The following GRM1 variants were observed in gnomAD, a reference collection of about 807,000 sequenced individuals.
GRM1 encodes metabotropic glutamate receptor 1.
In GRM1, 33 loss-of-function variants were observed where a neutral mutation model predicts 90.9. The ratio of observed to expected loss-of-function variants is 0.36; its 90% CI spans 0.28 to 0.49. The LOEUF (loss-of-function observed/expected upper bound fraction) is 0.49, where lower values mean the gene tolerates loss of function less well. Ranked by LOEUF, GRM1 falls within the 20% of genes least tolerant of loss-of-function variation. The pLI, the probability that GRM1 is intolerant of heterozygous loss-of-function variation, is 0.99. For missense variants in GRM1, 1,190 were observed against 1,534.3 expected, an observed-to-expected ratio of 0.78 and a Z score of 3.75; for synonymous variants, 700 against 613.2, an observed-to-expected ratio of 1.14 and a Z score of -2.09.
chr6:146,199,146 T>C (rs1779217141), intron 2 of GRM1, among the ~76,000 whole-genome samples: 1 of 152,186 alleles, frequency 6.6e-6, no homozygotes, highest in Non-Finnish European at 1.5e-5. Context: ...CTCTCACTAG[T>C]GTATTCCTGA....
intron 1 of GRM1, among the ~76,000 whole-genome samples, chr6:146,110,715 G>A (rs1292695053): frequency 6.6e-6 from 1 of 152,048 alleles, no homozygotes; most frequent in Non-Finnish European, 1.5e-5. Flanking sequence ...TGTTATTTAA[G>A]GCATTTATTT....
chr6:146,252,241 A>C (rs1781314044), intron 2 of GRM1, among the ~76,000 whole-genome samples: 1 of 152,206 alleles, frequency 6.6e-6, no homozygotes, highest in Non-Finnish European at 1.5e-5. Context: ...TTATACATGC[A>C]AAAAACAGAG....
chr6:146,093,273 T>C (rs186004864), intron 1 of GRM1, among the ~76,000 whole-genome samples: 1 of 152,268 alleles, frequency 6.6e-6, no homozygotes, highest in African/African-American at 2.4e-5. Context: ...TCCACGTCTT[T>C]GGAAGATTTC....
intron 7 of GRM1, among the ~76,000 whole-genome samples, chr6:146,409,594 T>C (rs1777486017): frequency 6.6e-6 from 1 of 152,216 alleles, no homozygotes; most frequent in Non-Finnish European, 1.5e-5. Flanking sequence ...CTTTGTCTTA[T>C]AAAGAAAATA....
chr6:146,323,802 C>G (rs1342637551), intron 3 of GRM1, among the ~76,000 whole-genome samples: 1 of 152,172 alleles, frequency 6.6e-6, no homozygotes, highest in African/African-American at 2.4e-5. Context: ...TTTCAGCTTT[C>G]TACATATGGC....
At chr6:146,320,872 A>G (rs1392408151) in intron 3 of GRM1, among the ~76,000 whole-genome samples, 1 of 151,736 alleles carries the variant, frequency 6.6e-6, no homozygotes, top group African/African-American at 2.4e-5. Flanking sequence ...CTTCTTTATT[A>G]GTCTGGCTAG....
At chr6:146,096,440 G>A (rs1293133099) in intron 1 of GRM1, among the ~76,000 whole-genome samples, 2 of 152,054 alleles carry the variant, frequency 1.3e-5, no homozygotes, top group Non-Finnish European at 2.9e-5. Flanking sequence ...AGGAAAGGAG[G>A]GTGCATTCCC....
In GRM1 at chr6:146,423,542, T is replaced by C. The variant is rs549128350; in HGVS notation, c.2661-10330T>C. On this transcript the variant is annotated intron_variant, in intron 7 of 7. Coordinates refer to ENST00000282753, the MANE Select transcript of GRM1 (RefSeq NM_001278064.2). ...GGATTACTGAGTTACTGTGTGAAGCTTGGCTGTCAATATGCCGGAAGGCCT... is the reference window on the plus strand; with the variant it reads ...GGATTACTGAGTTACTGTGTGAAGCCTGGCTGTCAATATGCCGGAAGGCCT... Among the ~76,000 whole-genome samples the C allele has an allele frequency of 2.0e-5, 3 of 152,222 alleles. No individual in the cohort carries two copies. In the East Asian group the frequency reaches 5.8e-4, roughly 29 times the overall value.
intron 1 of GRM1, among the ~76,000 whole-genome samples, chr6:146,077,766 T>C (rs1385311060): frequency 6.6e-6 from 1 of 152,212 alleles, no homozygotes; most frequent in African/African-American, 2.4e-5. Context: ...TCCACAAGTA[T>C]TTGCTAAATG....
In GRM1 at chr6:146,243,123, G is replaced by A. The variant is rs6927221; in HGVS notation, c.951-61488G>A. On this transcript the variant is annotated intron_variant, in intron 2 of 7. Coordinates refer to ENST00000282753, the MANE Select transcript of GRM1 (RefSeq NM_001278064.2). ...ACCTTGGCTAAAAGACATATTGAATGCAAGCCATGAATTTATATTAGTGAA... is the reference window on the plus strand; with the variant it reads ...ACCTTGGCTAAAAGACATATTGAATACAAGCCATGAATTTATATTAGTGAA... Among the ~76,000 whole-genome samples the A allele has an allele frequency of 7.7e-3, 1,178 of 152,168 alleles. 16 individuals are homozygous for A. The highest frequency in any genetic ancestry group is 0.027 in the African/African-American group (1,129 of 41,536).
chr6:146,344,174 A>G (rs75472926), intron 3 of GRM1, among the ~76,000 whole-genome samples: 3,518 of 152,316 alleles, frequency 0.023, 46 homozygotes, highest in South Asian at 0.053. Context: ...CAACAATGAT[A>G]AAATGCTGAC....
intron 2 of GRM1, among the ~76,000 whole-genome samples, chr6:146,213,953 T>G (rs914593893): frequency 6.6e-6 from 1 of 151,888 alleles, no homozygotes; most frequent in Non-Finnish European, 1.5e-5. Context: ...AGTCCTGGAG[T>G]CCAAAAGCTG....
At chr6:146,164,188 A>G (rs1777832306) in intron 2 of GRM1, among the ~76,000 whole-genome samples, 1 of 152,162 alleles carries the variant, frequency 6.6e-6, no homozygotes, top group African/African-American at 2.4e-5. Flanking sequence ...CTATTAATAT[A>G]TGTTGTCTCT....
intron 3 of GRM1, among the ~76,000 whole-genome samples, chr6:146,309,708 A>G (rs1183127424): frequency 6.6e-6 from 1 of 150,724 alleles, no homozygotes; most frequent in Non-Finnish European, 1.5e-5. Flanking sequence ...TTCTTACATA[A>G]AAAAAAAAGC....
chr6:146,041,253 A>G (rs1791091423), intron 1 of GRM1, among the ~76,000 whole-genome samples: 1 of 152,052 alleles, frequency 6.6e-6, no homozygotes, highest in Non-Finnish European at 1.5e-5. Context: ...GGAGTCAGCC[A>G]CTGCTCCTTG....
chr6:146,323,992 T>G (rs1784304044), intron 3 of GRM1, among the ~76,000 whole-genome samples: 1 of 152,356 alleles, frequency 6.6e-6, no homozygotes, highest in Admixed American at 6.5e-5. Flanking sequence ...TTGTTTACTG[T>G]AGCCTTGTAG....
chr6:146,109,526 G>C (rs1775466503), intron 1 of GRM1, among the ~76,000 whole-genome samples: 1 of 152,180 alleles, frequency 6.6e-6, no homozygotes, highest in Non-Finnish European at 1.5e-5. Context: ...GTTTGCTGTA[G>C]GGACAGGGTC....
At chr6:146,383,625 A>G (rs1322364946) in intron 5 of GRM1, among the ~76,000 whole-genome samples, 1 of 152,122 alleles carries the variant, frequency 6.6e-6, no homozygotes, top group Non-Finnish European at 1.5e-5. Flanking sequence ...AAAACCTTAT[A>G]CACTTGCTGA....
intron 1 of GRM1, among the ~76,000 whole-genome samples, chr6:146,132,112 C>T (rs1776421291): frequency 6.6e-6 from 1 of 152,156 alleles, no homozygotes; most frequent in African/African-American, 2.4e-5. Flanking sequence ...AACAGGGATA[C>T]TGGAAGTCAC....
Sources: gnomAD v4.1 joint callset for allele counts (sites outside exome capture counted in the v4.1 genomes callset) on GRCh38, gnomAD v4.1.1 for gene constraint, MANE v1.5 for transcripts, NCBI Gene and HGNC (gene_info 2026-07-23, HGNC 2026-07-21) for gene names.